MEMO1: variants seen among roughly 807,000 people sequenced by gnomAD.
MEMO1 encodes mediator of cell motility 1.
MEMO1 carries 6 observed loss-of-function variants against 45.2 expected under a neutral mutation model. The ratio of observed to expected loss-of-function variants is 0.13; its 90% confidence interval spans 0.07 to 0.26. The LOEUF (loss-of-function observed/expected upper bound fraction) is 0.26. Among genes scored for constraint, MEMO1 ranks in the 10% least tolerant of loss-of-function variants. The pLI, the probability that MEMO1 is intolerant of heterozygous loss-of-function variation, is 1.00. For synonymous variants in MEMO1, 78 were observed against 124.3 expected, an observed-to-expected ratio of 0.63 and a Z score of 2.48; for missense variants, 184 against 370.5, an observed-to-expected ratio of 0.50 and a Z score of 4.13.
intron 6 of MEMO1, 72 bp downstream of exon 6, chr2:31,917,854 T>A (rs1681695745): frequency 2.1e-6 from 2 of 968,632 alleles, no homozygotes; most frequent in African/African-American, 1.7e-5. Context: ...TTACTAGGAT[T>A]TACTAGTTTT....
At chr2:31,965,872 A>C (rs1263782082) in intron 2 of MEMO1, among the ~76,000 whole-genome samples, 2 of 152,176 alleles carry the variant, frequency 1.3e-5, no homozygotes, top group Non-Finnish European at 2.9e-5. Flanking sequence ...TGCCGGGCTT[A>C]ATACCGAGGT....
At chr2:32,004,159 C>G (rs1486172887) in intron 2 of MEMO1, among the ~76,000 whole-genome samples, 1 of 151,972 alleles carries the variant, frequency 6.6e-6, no homozygotes, top group Non-Finnish European at 1.5e-5. Context: ...CCAACTTGGG[C>G]AACAGAGCAA....
chr2:31,963,181 T>C (rs1172440586), intron 2 of MEMO1: 4 of 1,544,376 alleles, frequency 2.6e-6, no homozygotes, highest in Non-Finnish European at 3.5e-6. Context: ...CCGTCAGCTC[T>C]CCTGGGTCTC....
At position 31,982,277 on chromosome 2, in the gene MEMO1, C is replaced by G. The variant is rs371849255; in HGVS notation, c.61+27910G>C. On this transcript the variant is annotated intron_variant, in intron 2 of 9. Coordinates refer to ENST00000404530, the MANE Select transcript of MEMO1 (RefSeq NM_001301833.4). ...ATGCCACTGCACTGCAGCCTGGTGA[C>G]AGAGGAAGACTCTGTCTTCGAAAAA... Among the ~76,000 whole-genome samples, 213 of 128,798 alleles carry G rather than the reference C, an allele frequency of 1.7e-3. 8 individuals carry two copies. The South Asian group carries it at 0.05, about 30-fold the overall frequency. The allele number at this position is 128,798 out of a possible 152,430, so 84.5% of individuals were successfully genotyped here. A position where few individuals can be genotyped will look rare whatever the true frequency, so the allele number is the denominator to read the frequency against.
chr2:31,902,549 C>T (rs1679019805), intron 6 of MEMO1, among the ~76,000 whole-genome samples: 1 of 152,142 alleles, frequency 6.6e-6, no homozygotes, highest in Non-Finnish European at 1.5e-5. Context: ...TCCTAAGCCT[C>T]AATTTTGCCA....
intron 2 of MEMO1, among the ~76,000 whole-genome samples, chr2:31,982,015 C>A (rs62142083): frequency 0.068 from 10,339 of 152,218 alleles, 466 homozygotes; most frequent in Non-Finnish European, 0.097. Flanking sequence ...CAAGATACAA[C>A]TGGCCGGGCG....
chr2:31,910,120 GA>G (rs1204113068), intron 6 of MEMO1, among the ~76,000 whole-genome samples: 2 of 151,732 alleles, frequency 1.3e-5, no homozygotes, highest in Non-Finnish European at 1.5e-5. Context: ...GATAGCGAAA[GA>G]AAAAAACCCA....
rs796389903 is a variant in MEMO1, at chr2:31,889,807, T to C, written c.580+2185A>G. ...TAATGAGTATTATTAATGATGATGATACTAAAAAATGAACACTTGAAAAGT... is the reference window on the plus strand; with the variant it reads ...TAATGAGTATTATTAATGATGATGACACTAAAAAATGAACACTTGAAAAGT... On this transcript the variant is annotated intron_variant, in intron 7 of 9. Transcript: ENST00000404530. Among the ~76,000 whole-genome samples the C allele has an allele frequency of 6.6e-5, 10 of 152,224 alleles. 1 individual carries two copies. Among genetic ancestry groups the C allele is most frequent in the African/African-American group, 2.4e-4 (10 of 41,564 alleles).
At position 31,917,911 on chromosome 2, in the gene MEMO1, T is replaced by C. The variant is rs759596176; in HGVS notation, c.437+15A>G. Reference sequence around the variant, plus strand: ...TCTATGATTTCCTGGGGATTTCTTATATCAATCAATATACCTTTCCATGGC... The same window carrying C: ...TCTATGATTTCCTGGGGATTTCTTACATCAATCAATATACCTTTCCATGGC... On this transcript the variant is annotated intron_variant, in intron 6 of 9. Coordinates refer to ENST00000404530, the MANE Select transcript of MEMO1 (RefSeq NM_001301833.4). 4 of 1,508,174 alleles carry C rather than the reference T, an allele frequency of 2.7e-6. No homozygotes were observed. Among genetic ancestry groups the C allele is most frequent in the Non-Finnish European group, 2.7e-6 (3 of 1,107,048 alleles). The allele number at this position is 1,508,174 out of a possible 1,614,324, so 93.4% of individuals were successfully genotyped here. A position where few individuals can be genotyped will look rare whatever the true frequency, so the allele number is the denominator to read the frequency against.
chr2:31,876,791 T>A (rs1448239795), intron 8 of MEMO1, among the ~76,000 whole-genome samples: 1 of 152,140 alleles, frequency 6.6e-6, no homozygotes, highest in African/African-American at 2.4e-5. Context: ...GACATTTCCT[T>A]GACCCCCCAA....
At chr2:31,968,581 C>T (rs1190715665) in intron 2 of MEMO1, among the ~76,000 whole-genome samples, 1 of 152,146 alleles carries the variant, frequency 6.6e-6, no homozygotes, top group South Asian at 2.1e-4. Context: ...GGACAAGTCC[C>T]CCAAGAAGTG....
chr2:31,987,402 A>G (rs902331668), intron 2 of MEMO1, among the ~76,000 whole-genome samples: 10 of 152,192 alleles, frequency 6.6e-5, no homozygotes, highest in African/African-American at 2.2e-4. Context: ...TGAAATAAGA[A>G]GCTTACGTAC....
Position 31,917,990 on chromosome 2 carries a change from G to C in MEMO1, c.373C>G (p.Gln125Glu), listed in dbSNP as rs1681716334. 6.2e-7 allele frequency: 1 copy of C among 1,611,446 alleles called. No homozygotes were observed. Among genetic ancestry groups the C allele is most frequent in the Non-Finnish European group, 8.5e-7 (1 of 1,179,296 alleles). ...ATACTGTGTTCATCTTCATCTGTCT[G>C]CAGAGACATGCGTTCAAACATTCCT... ...KTGMFERMSLQTDEDEHSIEM... is the reference protein window; with the variant it reads ...KTGMFERMSLETDEDEHSIEM... The change falls in exon 6 of 10, where the codon CAG becomes GAG. Residue 125 changes from glutamine (Q) to glutamate (E), a missense_variant. By Grantham distance (29) the Gln-to-Glu change is conservative. This residue lies in a region of MEMO1 where 60 missense variants were observed against 79.2 expected (regional missense o/e 0.76). Coordinates refer to ENST00000404530, the MANE Select transcript of MEMO1 (RefSeq NM_001301833.4).
chr2:31,935,282 C>A (rs748264870), intron 3 of MEMO1, among the ~76,000 whole-genome samples: 10 of 152,126 alleles, frequency 6.6e-5, no homozygotes, highest in Non-Finnish European at 1.3e-4. Context: ...AGGAAGGAGT[C>A]TGTGGCATAG....
chr2:31,898,009 G>A (rs1475177185), intron 6 of MEMO1, among the ~76,000 whole-genome samples: 2 of 151,998 alleles, frequency 1.3e-5, no homozygotes, highest in Non-Finnish European at 1.5e-5. Context: ...GCATAGAGGT[G>A]TTTATAGTAT....
In MEMO1 at chr2:31,881,488, C is replaced by T. The variant is rs1232052900; in HGVS notation, c.657+1898G>A. ...CCAGCCTAGGTGATAGAGTGAGAGC[C>T]TGTCTTTAAAAAAAAAAAAAAAAAA... On this transcript the variant is annotated intron_variant, in intron 8 of 9. Coordinates refer to ENST00000404530, the MANE Select transcript of MEMO1 (RefSeq NM_001301833.4). 6.9e-5 allele frequency among the ~76,000 whole-genome samples: 7 copies of T among 101,876 alleles called. No individual in the cohort carries two copies. The Admixed American group carries it at 9.0e-4, about 13-fold the overall frequency. 66.8% of individuals were successfully genotyped at this position (101,876 alleles called of 152,430 possible). A position where few individuals can be genotyped will look rare whatever the true frequency, so the allele number is the denominator to read the frequency against.
intron 2 of MEMO1, among the ~76,000 whole-genome samples, chr2:31,990,464 T>G (rs1284154279): frequency 6.6e-6 from 1 of 152,134 alleles, no homozygotes; most frequent in Non-Finnish European, 1.5e-5. Flanking sequence ...GGTTTTTTCT[T>G]TTTTTGAGAC....
intron 2 of MEMO1, among the ~76,000 whole-genome samples, chr2:32,000,235 T>A (rs1673114937): frequency 1.4e-5 from 2 of 147,596 alleles, no homozygotes; most frequent in South Asian, 4.2e-4. Context: ...TTTTACTTAT[T>A]TTTTTTTTTT....
chr2:32,005,164 G>A (rs1328802500), intron 2 of MEMO1, among the ~76,000 whole-genome samples: 1 of 151,524 alleles, frequency 6.6e-6, no homozygotes, highest in East Asian at 2.0e-4. Flanking sequence ...CCGAGCAAAA[G>A]CTCAAAGGAG....
Sources: gnomAD v4.1 joint callset for allele counts (sites outside exome capture counted in the v4.1 genomes callset) on GRCh38, gnomAD v4.1.1 for gene constraint, gnomAD v4.1.1 regional missense constraint, MANE v1.5 for transcripts, NCBI Gene and HGNC (gene_info 2026-07-23, HGNC 2026-07-21) for gene names.